The following TF variants were observed in gnomAD, a reference collection of about 807,000 sequenced individuals.
TF encodes serotransferrin.
Under a neutral mutation model 82.4 loss-of-function variants are expected in TF, and 55 were observed. The observed-to-expected ratio is 0.67, with a 90% CI of 0.54 to 0.84. The LOEUF is 0.84. TF is among the 40% of genes least tolerant of loss of function. The pLI is 0.00. For missense variants in TF, 737 were observed against 868.4 expected (o/e 0.85, Z 1.90); for synonymous variants, 332 against 332.6 (o/e 1.00, Z 0.02).
chr3:133,729,368 G>A, the TF span, among the ~76,000 whole-genome samples: 18,524 of 152,240 alleles, frequency 0.12, 1,567 homozygotes, highest in Non-Finnish European at 0.17. Context: ...AATGGCGGGC[G>A]CCCCTCCCCC....
intron 2 of TF, among the ~76,000 whole-genome samples, chr3:133,751,326 G>C (rs909898676): frequency 6.7e-6 from 1 of 149,444 alleles, no homozygotes; most frequent in Admixed American, 6.7e-5. Context: ...TCCGCCTCCC[G>C]GGTTCACGCC....
At position 133,790,559 on chromosome 3, in the gene TF, G is replaced by C. The variant is rs905621225; in HGVS notation, c.*11939G>C. 4 of 152,258 alleles carry C rather than the reference G, an allele frequency of 2.6e-5. No individual in the cohort carries two copies. The highest frequency in any genetic ancestry group is 7.2e-5 in the African/African-American group (3 of 41,476). 9.4% of individuals were successfully genotyped at this position (152,258 alleles called of 1,614,324 possible). A position where few individuals can be genotyped will look rare whatever the true frequency, so the allele number is the denominator to read the frequency against. On this transcript the variant is annotated 3_prime_UTR_variant, in exon 17 of 17. Transcript: ENST00000402696. ...ATAAAATATTCTTTAAAACCTGATA[G>C]AGAATTGGAGATATTTGGCTAATTA...
the TF span, among the ~76,000 whole-genome samples, chr3:133,710,711 A>T: frequency 6.6e-6 from 1 of 152,194 alleles, no homozygotes; most frequent in Non-Finnish European, 1.5e-5. Flanking sequence ...CTCAACCCTC[A>T]GTTATTACTT....
At chr3:133,746,292 C>A, upstream of TF, 3 of 879,804 alleles carry the variant, frequency 3.4e-6, no homozygotes, top group African/African-American at 1.7e-5. Context: ...GGGAGAGGGG[C>A]GATTGGGCAA....
At chr3:133,693,003 G>C in the TF span, 1 of 152,458 alleles carries the variant, frequency 6.6e-6, no homozygotes, top group Non-Finnish European at 1.5e-5. Flanking sequence ...GGCTGTGCTG[G>C]AGTCACACTG....
intron 2 of TF, among the ~76,000 whole-genome samples, chr3:133,751,263 C>T (rs8177204): frequency 0.29 from 38,629 of 131,446 alleles, 6,069 homozygotes; most frequent in East Asian, 0.42. Context: ...GACGGAGTTT[C>T]GCTCTGTCGC....
chr3:133,775,330 C>A, intron 14 of TF, 103 bp from the exon 15 acceptor site: 2 of 1,226,694 alleles, frequency 1.6e-6, no homozygotes, highest in Admixed American at 1.7e-5. Context: ...CTTCTGCTGG[C>A]GAGAAGGCCC....
chr3:133,664,578 C>T, the TF span, among the ~76,000 whole-genome samples: 1 of 152,120 alleles, frequency 6.6e-6, no homozygotes, highest in South Asian at 2.1e-4. Flanking sequence ...ACTCAGCCTC[C>T]CAAAGTGCTG....
chr3:133,758,186 A>G lies in TF; in HGVS notation c.1048+240A>G, dbSNP rs567212050. On this transcript the variant is annotated intron_variant, in intron 8 of 16. Coordinates refer to ENST00000402696, the MANE Select transcript of TF (RefSeq NM_001063.4). ...TAAAATGACGTGGGTTGGTTCCAGT[A>G]TTTCCTTTGCATCAATCAGGACTGC... Among the ~76,000 whole-genome samples, 12 of 152,286 alleles carry G rather than the reference A, an allele frequency of 7.9e-5. No homozygotes were observed. In the East Asian group the frequency reaches 1.2e-3, roughly 15 times the overall value.
chr3:133,707,995 T>C, the TF span, among the ~76,000 whole-genome samples: 2 of 152,212 alleles, frequency 1.3e-5, no homozygotes, highest in Non-Finnish European at 2.9e-5. Context: ...GAAAATATTA[T>C]TGTAAACCTA....
intron 2 of TF, 24 bp from the exon 3 acceptor site, chr3:133,753,571 C>G: frequency 6.2e-7 from 1 of 1,607,312 alleles, no homozygotes; most frequent in Non-Finnish European, 8.5e-7. Context: ...AGGCTTCATC[C>G]AGGACTGGCC....
chr3:133,689,612 G>A, the TF span, among the ~76,000 whole-genome samples: 1 of 152,132 alleles, frequency 6.6e-6, no homozygotes, highest in East Asian at 1.9e-4. Flanking sequence ...GCAGGGGAGT[G>A]GCTGAGTCCT....
chr3:133,703,234 AG>A, the TF span, among the ~76,000 whole-genome samples: 1 of 152,216 alleles, frequency 6.6e-6, no homozygotes, highest in Admixed American at 6.5e-5. Flanking sequence ...CTGTGTGACA[AG>A]CATGTTTATG....
At chr3:133,676,693 G>C in the TF span, among the ~76,000 whole-genome samples, 3 of 152,234 alleles carry the variant, frequency 2.0e-5, no homozygotes, top group Admixed American at 1.3e-4. Flanking sequence ...AAGGCTGGAA[G>C]GCAGAGCACA....
chr3:133,686,899 T>C, the TF span, among the ~76,000 whole-genome samples: 1 of 152,232 alleles, frequency 6.6e-6, no homozygotes, highest in Non-Finnish European at 1.5e-5. Context: ...TGCACACCTA[T>C]GTTTATTGTG....
chr3:133,666,688 A>G, the TF span, among the ~76,000 whole-genome samples: 2 of 152,276 alleles, frequency 1.3e-5, no homozygotes, highest in East Asian at 1.9e-4. Flanking sequence ...TTAGATAAGC[A>G]AAAGACAAGC....
At chr3:133,734,858 G>A in the TF span, among the ~76,000 whole-genome samples, 11 of 151,348 alleles carry the variant, frequency 7.3e-5, no homozygotes, top group Middle Eastern at 6.9e-3. Context: ...ACACAGACCA[G>A]CCAAATCCAG....
At chr3:133,744,293 A>G (rs919784673), upstream of TF, among the ~76,000 whole-genome samples, 48 of 152,306 alleles carry the variant, frequency 3.2e-4, no homozygotes, top group African/African-American at 1.1e-3. Context: ...ATCACTGACC[A>G]TCTTCTTTCC....
upstream of TF, among the ~76,000 whole-genome samples, chr3:133,743,041 C>T (rs1933423240): frequency 6.6e-6 from 1 of 152,100 alleles, no homozygotes; most frequent in Admixed American, 6.6e-5. Flanking sequence ...TCTCTTTCCT[C>T]CCCCACTAAA....
Sources: allele counts gnomAD v4.1 joint callset (sites outside exome capture counted in the v4.1 genomes callset), GRCh38; gene constraint gnomAD v4.1.1; transcripts MANE v1.5; gene names NCBI Gene and HGNC (gene_info 2026-07-23, HGNC 2026-07-21).